The following PTGFRN variants were observed in gnomAD, a reference collection of about 807,000 sequenced individuals.
PTGFRN encodes prostaglandin F2 receptor inhibitor.
Under a neutral mutation model 83.2 loss-of-function variants are expected in PTGFRN, and 35 were observed. That is an observed-to-expected ratio of 0.42 (90% CI 0.32 to 0.56). The LOEUF is 0.56. Ranked by LOEUF, PTGFRN falls within the 20% of genes least tolerant of loss-of-function variation. The pLI is 0.11. For missense variants in PTGFRN, 1,051 were observed against 1,179.5 expected (o/e 0.89, Z 1.60); for synonymous variants, 519 against 498.6 (o/e 1.04, Z -0.55).
chr1:116,910,138 A>C lies in PTGFRN; in HGVS notation c.-66A>C. On this transcript the variant is annotated 5_prime_UTR_variant, in exon 1 of 9. Transcript: ENST00000393203. ...CGACTCTGGAGCAGCCGGAGCTGGA[A>C]GAGGAGGAGGAGGAGAGGCGGCGGG... 1 of 1,471,686 alleles carries C rather than the reference A, an allele frequency of 6.8e-7. No individual in the cohort carries two copies. Among genetic ancestry groups the C allele is most frequent in the Non-Finnish European group, 9.1e-7 (1 of 1,096,988 alleles). 91.2% of individuals were successfully genotyped at this position (1,471,686 alleles called of 1,614,324 possible).
At chr1:116,937,949 C>T (rs918428901) in intron 1 of PTGFRN, among the ~76,000 whole-genome samples, 1 of 152,204 alleles carries the variant, frequency 6.6e-6, no homozygotes, top group African/African-American at 2.4e-5. Flanking sequence ...CCATTTCACA[C>T]GTGAGGAAAC....
chr1:116,963,347 C>T (rs909121390), intron 5 of PTGFRN, among the ~76,000 whole-genome samples: 4 of 152,250 alleles, frequency 2.6e-5, no homozygotes, highest in Non-Finnish European at 5.9e-5. Context: ...GCCCTGCTTC[C>T]TATTCTCCTA....
At chr1:116,960,519 C>G (rs1650620899) in intron 4 of PTGFRN, among the ~76,000 whole-genome samples, 1 of 152,180 alleles carries the variant, frequency 6.6e-6, no homozygotes, top group Non-Finnish European at 1.5e-5. Context: ...TTCCCTCCCA[C>G]CCTTCTCTGC....
intron 1 of PTGFRN, among the ~76,000 whole-genome samples, chr1:116,929,699 A>C: frequency 6.6e-6 from 1 of 152,286 alleles, no homozygotes; most frequent in South Asian, 2.1e-4. Context: ...TTTTAACTGA[A>C]TAGCATTTGT....
chr1:116,924,271 C>T (rs373026952), intron 1 of PTGFRN, among the ~76,000 whole-genome samples: 1 of 151,112 alleles, frequency 6.6e-6, no homozygotes, highest in African/African-American at 2.5e-5. Flanking sequence ...CTCAGCCTGC[C>T]GAGTAGCTGG....
intron 5 of PTGFRN, chr1:116,962,437 G>A (rs928129961): frequency 2.6e-5 from 4 of 152,196 alleles, no homozygotes; most frequent in African/African-American, 9.7e-5. Flanking sequence ...AAGATCAGAC[G>A]AGATCAGGCG....
chr1:116,966,327 A>T (rs1048459439), intron 5 of PTGFRN, among the ~76,000 whole-genome samples: 46 of 152,374 alleles, frequency 3.0e-4, no homozygotes, highest in African/African-American at 1.1e-3. Flanking sequence ...AAATTATTAG[A>T]TCTGCAAATA....
chr1:116,974,360 T>C (rs766987110), intron 7 of PTGFRN, 37 bp downstream of exon 7: 1 of 1,462,024 alleles, frequency 6.8e-7, no homozygotes, highest in Non-Finnish European at 9.6e-7. Context: ...ACCATGTTGC[T>C]TTCTGTAAAT....
intron 8 of PTGFRN, among the ~76,000 whole-genome samples, chr1:116,986,069 C>T (rs1306646120): frequency 6.6e-6 from 1 of 152,194 alleles, no homozygotes; most frequent in East Asian, 1.9e-4. Flanking sequence ...ACTACTTAGC[C>T]TTTCTGATCC....
In PTGFRN at chr1:116,984,662, T is replaced by A; in HGVS notation, c.2168-18T>A. 1 of 1,609,102 alleles carries A rather than the reference T, an allele frequency of 6.2e-7. No homozygotes were observed. Among genetic ancestry groups the A allele is most frequent in the Non-Finnish European group, 8.5e-7 (1 of 1,177,358 alleles). ...GCCCATTGCACTGACCCCAGGGTTT[T>A]GGCTTGGTAATCCGTAGATGACATG... On this transcript the variant is annotated intron_variant, in intron 7 of 8. Transcript: ENST00000393203.
rs1349742906 is a variant in PTGFRN, at chr1:116,952,174, A to G, written c.1213+2602A>G. Reference sequence around the variant, plus strand: ...TATGCATTAAATGTTCAATGTGAAAATATTTTTGGCCTTGGGACTCAGCTT... The same window carrying G: ...TATGCATTAAATGTTCAATGTGAAAGTATTTTTGGCCTTGGGACTCAGCTT... On this transcript the variant is annotated intron_variant, in intron 4 of 8. Transcript: ENST00000393203. This position sits in a 1 kb window ranked among gnomAD's most constrained non-coding sequence, Gnocchi z 4.0. Among the ~76,000 whole-genome samples, 3 of 152,196 alleles carry G rather than the reference A, an allele frequency of 2.0e-5. No individual in the cohort carries two copies. Among genetic ancestry groups the G allele is most frequent in the African/African-American group, 7.2e-5 (3 of 41,436 alleles).
At chr1:116,930,521 C>G (rs1294918701) in intron 1 of PTGFRN, among the ~76,000 whole-genome samples, 1 of 152,200 alleles carries the variant, frequency 6.6e-6, no homozygotes, top group Non-Finnish European at 1.5e-5. Context: ...TCCATTCCAA[C>G]TGTCCGGTGG....
chr1:116,978,083 T>C (rs1464511703), intron 7 of PTGFRN, among the ~76,000 whole-genome samples: 1 of 152,162 alleles, frequency 6.6e-6, no homozygotes. Context: ...CATCAGAGAA[T>C]ACTATAAATA....
At chr1:116,964,905 C>T (rs1650783428) in intron 5 of PTGFRN, among the ~76,000 whole-genome samples, 1 of 152,258 alleles carries the variant, frequency 6.6e-6, no homozygotes, top group Admixed American at 6.5e-5. Context: ...CATCCCTGGC[C>T]TCCCAGATCG....
intron 8 of PTGFRN, among the ~76,000 whole-genome samples, chr1:116,986,215 G>A (rs1198222407): frequency 1.3e-5 from 2 of 152,204 alleles, no homozygotes; most frequent in African/African-American, 2.4e-5. Context: ...AGGAAGGTGG[G>A]ATTTCAAGGG....
At position 116,986,766 on chromosome 1, in the gene PTGFRN, A is replaced by G. The variant is rs752708274; in HGVS notation, c.2474-35A>G. On this transcript the variant is annotated intron_variant, in intron 8 of 8. Transcript: ENST00000393203. ...CCCCCAAAGCGGCCTCCCTCGCAGC[A>G]CTGACTGGCTTCCCCTTTGATCTCT... is the stretch of plus-strand genomic sequence containing the variant. The G allele has an allele frequency of 5.0e-6, 8 of 1,607,574 alleles. No homozygotes were observed. In the South Asian group the frequency reaches 7.7e-5, roughly 15 times the overall value.
chr1:116,945,604 C>T (rs1180641543), intron 3 of PTGFRN, among the ~76,000 whole-genome samples: 2 of 152,140 alleles, frequency 1.3e-5, no homozygotes, highest in African/African-American at 4.8e-5. Flanking sequence ...TTTCGGTCCC[C>T]TCAGATGTGC....
chr1:116,985,008 TCA>T, intron 8 of PTGFRN, 23 bp downstream of exon 8: 6 of 1,595,460 alleles, frequency 3.8e-6, no homozygotes, highest in Non-Finnish European at 5.1e-6. Context: ...CCCAAATTTC[TCA>T]GTGTTTGGGA....
rs552544159 is a variant in PTGFRN at position 116,918,063 on chromosome 1, C to A, written c.49+7811C>A. Among the ~76,000 whole-genome samples the A allele has an allele frequency of 6.6e-6, 1 of 152,222 alleles. No individual in the cohort carries two copies. The highest frequency in any genetic ancestry group is 1.5e-5 in the Non-Finnish European group (1 of 68,044). ...AGAATCTCTAGCACAGGGACTCTTG[C>A]ATTTTATAATCCATCTTTCTCTTAT... On this transcript the variant is annotated intron_variant, in intron 1 of 8. Transcript: ENST00000393203. This position sits in a 1 kb window ranked among gnomAD's most constrained non-coding sequence, Gnocchi z 4.1.
Sources: gnomAD v4.1 joint callset for allele counts (sites outside exome capture counted in the v4.1 genomes callset) on GRCh38, gnomAD v4.1.1 for gene constraint, Gnocchi (gnomAD v3.1) non-coding constraint, MANE v1.5 for transcripts, NCBI Gene and HGNC (gene_info 2026-07-23, HGNC 2026-07-21) for gene names.